Variants in TYW1B observed in about 807,000 individuals in gnomAD.
TYW1B encodes the protein tRNA-yW synthesizing protein 1 homolog B.
A neutral mutation model predicts 86.9 loss-of-function variants in TYW1B; 73 were observed. The ratio of observed to expected loss-of-function variants is 0.84; its 90% confidence interval spans 0.70 to 1.02. The LOEUF is 1.02. Ranked by LOEUF, TYW1B falls within the 50% of genes least tolerant of loss-of-function variation. TYW1B has a pLI of 0.00. For missense variants in TYW1B, 637 were observed against 827.4 expected (o/e 0.77, Z 2.82); for synonymous variants, 248 against 292.8 (o/e 0.85, Z 1.56).
At chr7:72,767,532 C>T (rs1484969065) in intron 7 of TYW1B, among the ~76,000 whole-genome samples, 2 of 151,980 alleles carry the variant, frequency 1.3e-5, no homozygotes, top group Non-Finnish European at 2.9e-5. Context: ...ATGGTGTGAA[C>T]CTGGGAGGCG....
chr7:72,604,659 T>C (rs1563026718), intron 13 of TYW1B, among the ~76,000 whole-genome samples: 1 of 152,168 alleles, frequency 6.6e-6, no homozygotes, highest in Non-Finnish European at 1.5e-5. Flanking sequence ...TGGATTCTCA[T>C]GGTCTAATTA....
chr7:72,637,655 A>G (rs1812702997), intron 11 of TYW1B, among the ~76,000 whole-genome samples: 1 of 150,680 alleles, frequency 6.6e-6, no homozygotes, highest in African/African-American at 2.4e-5. Context: ...CCTTCCAAGT[A>G]CTTACTCTAT....
intron 7 of TYW1B, among the ~76,000 whole-genome samples, chr7:72,766,613 CAA>C (rs56738770): frequency 2.4e-5 from 2 of 82,934 alleles, no homozygotes; most frequent in Non-Finnish European, 2.2e-5. Context: ...GATTCAGTCT[CAA>C]AAAAAAAAAA....
At chr7:72,632,408 T>TAAAATATATAC (rs1563038799) in intron 11 of TYW1B, among the ~76,000 whole-genome samples, 5 of 113,728 alleles carry the variant, frequency 4.4e-5, no homozygotes, top group African/African-American at 2.0e-4. Flanking sequence ...ATAATATATA[T>TAAAATATATAC]ATACATATAT....
intron 6 of TYW1B, among the ~76,000 whole-genome samples, chr7:72,798,856 TTTCTC>T (rs1554475066): frequency 6.6e-6 from 1 of 152,236 alleles, no homozygotes; most frequent in Non-Finnish European, 1.5e-5. Context: ...TTCATTTGTA[TTTCTC>T]TTATTATGAG....
chr7:72,825,354 T>G (rs1554481258), intron 2 of TYW1B, among the ~76,000 whole-genome samples: 3 of 152,154 alleles, frequency 2.0e-5, no homozygotes, highest in Non-Finnish European at 4.4e-5. Context: ...TTTAGCACTA[T>G]TAGAAATCAA....
At chr7:72,819,203 C>T (rs148534795) in intron 2 of TYW1B, among the ~76,000 whole-genome samples, 1 of 152,086 alleles carries the variant, frequency 6.6e-6, no homozygotes, top group African/African-American at 2.4e-5. Flanking sequence ...AAGAGCCACA[C>T]GTGTAGGATC....
intron 13 of TYW1B, among the ~76,000 whole-genome samples, chr7:72,597,177 T>C (rs1554432750): frequency 6.6e-6 from 1 of 151,392 alleles, no homozygotes; most frequent in African/African-American, 2.4e-5. Context: ...TAATGAAAAA[T>C]ATTCATATGA....
intron 6 of TYW1B, among the ~76,000 whole-genome samples, chr7:72,800,490 C>T (rs573411073): frequency 1.6e-4 from 25 of 152,168 alleles, no homozygotes; most frequent in Admixed American, 5.2e-4. Flanking sequence ...GGTGAGCCAC[C>T]GCACTCAGCC....
chr7:72,595,463 T>G (rs1811508787), intron 13 of TYW1B, among the ~76,000 whole-genome samples: 1 of 152,230 alleles, frequency 6.6e-6, no homozygotes, highest in Admixed American at 6.5e-5. Flanking sequence ...GTGGGCAGAT[T>G]GCTTGAGCTC....
intron 11 of TYW1B, among the ~76,000 whole-genome samples, chr7:72,652,412 G>A (rs1412087096): frequency 8.2e-6 from 1 of 121,304 alleles, no homozygotes; most frequent in Non-Finnish European, 1.8e-5. Context: ...AAAAATTTTT[G>A]TGACATTGTT....
rs782030228 is a variant in TYW1B at position 72,575,653 on chromosome 7, A to C, written c.1852T>G (p.Tyr618Asp). ...YNRFQELIQE[Y>D]EDSGGSKTFS... ...GTTTTTGATCCACCACTATCTTCAT[A>C]TTCCTGGATGAGCTCCTGGAAGCGG... The change falls in exon 14 of 14, where the codon TAT (tyrosine) becomes GAT (aspartate). Residue 618 changes from tyrosine (Y) to aspartate (D), a missense_variant. By Grantham distance (160) the Tyr-to-Asp change is radical. Transcript: ENST00000620995. 3.7e-6 allele frequency: 6 copies of C among 1,613,666 alleles called. No homozygotes were observed. In the South Asian group the frequency reaches 6.6e-5, roughly 18 times the overall value.
intron 9 of TYW1B, among the ~76,000 whole-genome samples, chr7:72,726,838 T>C (rs1787007453): frequency 6.6e-6 from 1 of 152,102 alleles, no homozygotes; most frequent in Non-Finnish European, 1.5e-5. Flanking sequence ...GACTCGCAGT[T>C]CAGCATGGCT....
intron 13 of TYW1B, among the ~76,000 whole-genome samples, chr7:72,592,716 A>C (rs1811424841): frequency 1.3e-5 from 2 of 152,236 alleles, no homozygotes; most frequent in South Asian, 4.1e-4. Flanking sequence ...TATTCCATGC[A>C]AACAGTAACC....
chr7:72,777,276 G>C (rs1787972345), intron 7 of TYW1B, 140 bp downstream of exon 7: 1 of 1,007,762 alleles, frequency 9.9e-7, no homozygotes, highest in African/African-American at 1.6e-5. Context: ...ATCCACAGAA[G>C]TAAGAAGGTA....
At chr7:72,815,583 T>C (rs1586006528) in intron 2 of TYW1B, 102 bp from the exon 3 acceptor site, 9 of 1,082,226 alleles carry the variant, frequency 8.3e-6, no homozygotes, top group Middle Eastern at 2.0e-4. Context: ...TCATGAAAAA[T>C]GTTTTCAGTG....
chr7:72,679,958 T>C (rs1304264215), intron 11 of TYW1B, among the ~76,000 whole-genome samples: 13 of 152,196 alleles, frequency 8.5e-5, no homozygotes, highest in Admixed American at 3.3e-4. Flanking sequence ...AGTGAGACCG[T>C]ATCTCTACAA....
intron 6 of TYW1B, among the ~76,000 whole-genome samples, chr7:72,780,100 A>T (rs1788025829): frequency 6.6e-6 from 1 of 152,118 alleles, no homozygotes; most frequent in East Asian, 1.9e-4. Flanking sequence ...GGCTCCAGTT[A>T]TTATTTTGTT....
intron 7 of TYW1B, among the ~76,000 whole-genome samples, chr7:72,772,946 A>G (rs1787892812): frequency 6.6e-6 from 1 of 152,240 alleles, no homozygotes; most frequent in Non-Finnish European, 1.5e-5. Flanking sequence ...AACATCTTGC[A>G]TATAAATAAA....
Sources: gnomAD v4.1 joint callset for allele counts (sites outside exome capture counted in the v4.1 genomes callset) on GRCh38, gnomAD v4.1.1 for gene constraint, MANE v1.5 for transcripts, NCBI Gene and HGNC (gene_info 2026-07-23, HGNC 2026-07-21) for gene names.